Variants in ITGB6 observed in about 807,000 individuals in gnomAD.
ITGB6 encodes the protein integrin beta-6.
A neutral mutation model predicts 84.5 loss-of-function variants in ITGB6; 80 were observed. The observed-to-expected ratio is 0.95, with a 90% confidence interval of 0.79 to 1.14. The LOEUF is 1.14. Among genes scored for constraint, ITGB6 ranks in the 50% most tolerant of loss-of-function variants. The pLI, the probability that ITGB6 is intolerant of heterozygous loss-of-function variation, is 0.00. For missense variants in ITGB6, 1,006 were observed against 968.0 expected (o/e 1.04, Z -0.52); for synonymous variants, 383 against 354.9 (o/e 1.08, Z -0.89).
chr2:160,114,554 AG>A (rs1425923833), intron 12 of ITGB6, among the ~76,000 whole-genome samples: 1 of 152,244 alleles, frequency 6.6e-6, no homozygotes, highest in Non-Finnish European at 1.5e-5. Flanking sequence ...GAACAGCTCC[AG>A]TCTACAGCAC....
At chr2:160,129,916 A>ATG (rs201925614) in intron 10 of ITGB6, among the ~76,000 whole-genome samples, 3,060 of 151,992 alleles carry the variant, frequency 0.02, 45 homozygotes, top group Admixed American at 0.03. Flanking sequence ...GTATATATAT[A>ATG]TGTGTGTGTG....
chr2:160,121,582 G>A (rs556566005), intron 12 of ITGB6, among the ~76,000 whole-genome samples: 2 of 152,156 alleles, frequency 1.3e-5, no homozygotes, highest in African/African-American at 4.8e-5. Flanking sequence ...CTCAGAGTTC[G>A]AGGCCAGCCT....
At chr2:160,164,030 G>A (rs966728173) in intron 7 of ITGB6, among the ~76,000 whole-genome samples, 1 of 152,176 alleles carries the variant, frequency 6.6e-6, no homozygotes, top group Non-Finnish European at 1.5e-5. Context: ...TTAATTTGCT[G>A]CTCCTTATAG....
intron 12 of ITGB6, among the ~76,000 whole-genome samples, chr2:160,121,794 T>A (rs1683052595): frequency 6.7e-6 from 1 of 148,774 alleles, no homozygotes; most frequent in Non-Finnish European, 1.5e-5. Flanking sequence ...AAAAAGACTC[T>A]CAGTAAAATG....
intron 4 of ITGB6, among the ~76,000 whole-genome samples, chr2:160,178,470 T>C (rs1685527112): frequency 6.6e-6 from 1 of 152,228 alleles, no homozygotes; most frequent in Non-Finnish European, 1.5e-5. Flanking sequence ...CTTTGTTGGT[T>C]AGAATTATCC....
At chr2:160,146,453 T>C (rs1684192269) in intron 7 of ITGB6, among the ~76,000 whole-genome samples, 1 of 152,204 alleles carries the variant, frequency 6.6e-6, no homozygotes, top group Non-Finnish European at 1.5e-5. Flanking sequence ...TTCAATATTA[T>C]ATTATTAACC....
At chr2:160,147,668 C>T (rs1018260659) in intron 7 of ITGB6, among the ~76,000 whole-genome samples, 3 of 152,178 alleles carry the variant, frequency 2.0e-5, no homozygotes, top group Admixed American at 6.5e-5. Context: ...CAGAAATAGA[C>T]CTACATAAAT....
chr2:160,194,356 T>C (rs895586508), intron 4 of ITGB6, among the ~76,000 whole-genome samples: 1 of 151,932 alleles, frequency 6.6e-6, no homozygotes. Flanking sequence ...AAAAGCTGTT[T>C]ATCTTTTATA....
chr2:160,122,513 GA>G lies in ITGB6; in HGVS notation c.1981+1277del, dbSNP rs539974631. Among the ~76,000 whole-genome samples, 929 of 152,272 alleles carry G rather than the reference GA, an allele frequency of 6.1e-3. 3 individuals are homozygous for G. Among genetic ancestry groups the G allele is most frequent in the African/African-American group, 0.021 (877 of 41,538 alleles). ...GGTAACTATCCCCAGTGCTTGCTGT[GA>G]AATGAGCCCAGAAGGTGATGCTAGG... is the stretch of plus-strand genomic sequence containing the variant. On this transcript the variant is annotated intron_variant, in intron 12 of 14. Coordinates refer to ENST00000283249, the MANE Select transcript of ITGB6 (RefSeq NM_000888.5).
intron 4 of ITGB6, among the ~76,000 whole-genome samples, chr2:160,189,908 T>C (rs1686069046): frequency 6.6e-6 from 1 of 152,174 alleles, no homozygotes; most frequent in Admixed American, 6.5e-5. Context: ...TGCACACATA[T>C]GTTTATTGCG....
intron 4 of ITGB6, among the ~76,000 whole-genome samples, chr2:160,193,547 G>T (rs567290783): frequency 6.6e-6 from 1 of 152,268 alleles, no homozygotes. Flanking sequence ...TGATTGCAAT[G>T]GTATATTTAA....
chr2:160,165,381 TA>T (rs1684965252), intron 7 of ITGB6, among the ~76,000 whole-genome samples: 1 of 152,176 alleles, frequency 6.6e-6, no homozygotes, highest in South Asian at 2.1e-4. Context: ...GCCAGAGAGA[TA>T]AAGAGATTTC....
chr2:160,164,698 G>GA (rs919038043), intron 7 of ITGB6, among the ~76,000 whole-genome samples: 100 of 145,948 alleles, frequency 6.9e-4, no homozygotes, highest in South Asian at 5.8e-3. Context: ...TCTCTCTCAA[G>GA]AAAAAAAAAA....
intron 10 of ITGB6, among the ~76,000 whole-genome samples, chr2:160,132,446 T>C (rs150857813): frequency 1.1e-4 from 16 of 152,290 alleles, no homozygotes; most frequent in African/African-American, 3.8e-4. Context: ...TTGGATTTCT[T>C]TGATGCTTCT....
chr2:160,172,791 G>A (rs1685264988), intron 5 of ITGB6, 61 bp from the exon 6 acceptor site: 1 of 1,318,332 alleles, frequency 7.6e-7, no homozygotes, highest in Non-Finnish European at 1.1e-6. Flanking sequence ...ATTGAGTGTG[G>A]ATCAATTATG....
rs1453769983 is a variant in ITGB6, at chr2:160,153,589, G to C, written c.1018-11518C>G. 3.3e-5 allele frequency among the ~76,000 whole-genome samples: 5 copies of C among 152,030 alleles called. No homozygotes were observed. The East Asian group carries it at 9.6e-4, about 29-fold the overall frequency. Reference sequence around the variant, plus strand: ...CAACAAAAGCCAAAACTGACAAATGGGATCTAATTAAACTAAAGAGCTTCT... The same window carrying C: ...CAACAAAAGCCAAAACTGACAAATGCGATCTAATTAAACTAAAGAGCTTCT... On this transcript the variant is annotated intron_variant, in intron 7 of 14. Coordinates refer to ENST00000283249, the MANE Select transcript of ITGB6 (RefSeq NM_000888.5).
Position 160,195,550 on chromosome 2 carries a change from G to A in ITGB6, c.412C>T (p.Leu138Phe). The A allele has an allele frequency of 6.2e-7, 1 of 1,614,118 alleles. No homozygotes were observed. The highest frequency in any genetic ancestry group is 8.5e-7 in the Non-Finnish European group (1 of 1,179,986). ...TCCATGGAGGCGGAGAGGTCCATGAGGTAATACAAATCCACCGGGTAGTCC... is the reference window on the plus strand; with the variant it reads ...TCCATGGAGGCGGAGAGGTCCATGAAGTAATACAAATCCACCGGGTAGTCC... ...TEDYPVDLYY[L>F]MDLSASMDDD... Residue 138 changes from leucine (L) to phenylalanine (F), a missense_variant, in exon 4 of 15, where the codon CTC becomes TTC. Physicochemically the swap from Leu to Phe is conservative, Grantham distance 22 (BLOSUM62 0). Coordinates refer to ENST00000283249, the MANE Select transcript of ITGB6 (RefSeq NM_000888.5).
intron 12 of ITGB6, among the ~76,000 whole-genome samples, chr2:160,121,900 T>C (rs960255532): frequency 2.0e-5 from 3 of 151,320 alleles, no homozygotes; most frequent in African/African-American, 4.8e-5. Context: ...TTTTTTTTTT[T>C]ACTCCTGGGG....
At chr2:160,148,946 A>G (rs1467832894) in intron 7 of ITGB6, among the ~76,000 whole-genome samples, 1 of 152,228 alleles carries the variant, frequency 6.6e-6, no homozygotes, top group East Asian at 1.9e-4. Context: ...AGCAGCCAGG[A>G]AGCTCAAATT....
Sources: gnomAD v4.1 joint callset for allele counts (sites outside exome capture counted in the v4.1 genomes callset) on GRCh38, gnomAD v4.1.1 for gene constraint, MANE v1.5 for transcripts, NCBI Gene and HGNC (gene_info 2026-07-23, HGNC 2026-07-21) for gene names.